Variants in PREX1 observed in about 807,000 individuals in gnomAD.
PREX1 encodes the protein phosphatidylinositol-3,4,5-trisphosphate dependent Rac exchange factor 1, also known as phosphatidylinositol 3,4,5-trisphosphate-dependent Rac exchanger 1 protein.
Under a neutral mutation model 198.3 loss-of-function variants are expected in PREX1, and 41 were observed. The ratio of observed to expected loss-of-function variants is 0.21; its 90% CI spans 0.16 to 0.27. PREX1 has a LOEUF of 0.27. Ranked by LOEUF, PREX1 falls within the 10% of genes least tolerant of loss-of-function variation. PREX1 has a pLI of 1.00. For missense variants in PREX1, 1,620 were observed against 2,200.7 expected, an observed-to-expected ratio of 0.74 and a Z score of 5.28; for synonymous variants, 843 against 887.2, an observed-to-expected ratio of 0.95 and a Z score of 0.89.
chr20:48,660,285 T>G (rs754588501), intron 15 of PREX1, among the ~76,000 whole-genome samples: 4 of 152,238 alleles, frequency 2.6e-5, no homozygotes, highest in Non-Finnish European at 4.4e-5. Context: ...TTGCCTCACC[T>G]GCTATAAAAA....
the PREX1 span, among the ~76,000 whole-genome samples, chr20:48,852,723 G>GT: frequency 2.6e-5 from 4 of 152,282 alleles, no homozygotes; most frequent in African/African-American, 9.6e-5. Flanking sequence ...ATGATGCATT[G>GT]TATCATAGTA....
chr20:48,779,032 T>C (rs917018810), intron 1 of PREX1, among the ~76,000 whole-genome samples: 3 of 152,104 alleles, frequency 2.0e-5, no homozygotes, highest in South Asian at 2.1e-4. Flanking sequence ...ATGAAAACTT[T>C]TGCCATGCAA....
intron 8 of PREX1, chr20:48,692,451 G>A (rs1414358553): frequency 4.5e-6 from 2 of 447,262 alleles, no homozygotes; most frequent in Admixed American, 6.9e-5. Flanking sequence ...GGGGGAAGAA[G>A]GCATTGCAAG....
intron 7 of PREX1, among the ~76,000 whole-genome samples, chr20:48,698,960 C>T (rs540406625): frequency 1.1e-4 from 17 of 152,248 alleles, no homozygotes; most frequent in Admixed American, 6.5e-4. Flanking sequence ...AGAGGTTAAA[C>T]GGGGATCCAA....
intron 31 of PREX1, among the ~76,000 whole-genome samples, chr20:48,637,374 TC>T (rs1417186154): frequency 2.0e-5 from 3 of 152,152 alleles, no homozygotes; most frequent in Non-Finnish European, 4.4e-5. Context: ...CGCTACCTCC[TC>T]CCCCTTCCTC....
At chr20:48,738,122 G>A (rs146731826) in intron 3 of PREX1, among the ~76,000 whole-genome samples, 1 of 152,276 alleles carries the variant, frequency 6.6e-6, no homozygotes, top group Non-Finnish European at 1.5e-5. Flanking sequence ...GAAGGGACTG[G>A]GCCAGAAAGC....
At chr20:48,651,172 C>T in intron 22 of PREX1, 117 bp from the exon 23 acceptor site, 1 of 1,366,110 alleles carries the variant, frequency 7.3e-7, no homozygotes, top group Non-Finnish European at 9.9e-7. Flanking sequence ...AGGTGTGTTG[C>T]TGGCCCATAT....
At chr20:48,882,228 C>T in the PREX1 span, among the ~76,000 whole-genome samples, 952 of 151,990 alleles carry the variant, frequency 6.3e-3, 9 homozygotes, top group African/African-American at 0.022. Flanking sequence ...TGTTGCTGGG[C>T]GCGGTGGCTC....
intron 31 of PREX1, 29 bp from the exon 32 acceptor site, chr20:48,636,712 G>GCCA (rs760970730): frequency 6.4e-7 from 1 of 1,558,020 alleles, no homozygotes; most frequent in Non-Finnish European, 8.7e-7. Context: ...AGGCCTTGCT[G>GCCA]GAGGGGCGCT....
At chr20:48,848,746 TA>T in the PREX1 span, among the ~76,000 whole-genome samples, 2 of 152,178 alleles carry the variant, frequency 1.3e-5, no homozygotes, top group South Asian at 2.1e-4. Flanking sequence ...ATAACATTTT[TA>T]GGGGGGGTGG....
chr20:48,876,434 G>A, the PREX1 span, among the ~76,000 whole-genome samples: 1 of 152,178 alleles, frequency 6.6e-6, no homozygotes, highest in Non-Finnish European at 1.5e-5. Flanking sequence ...CTGCTCCTTG[G>A]AACCAAAGAA....
chr20:48,639,824 G>GGGGTCC lies in PREX1; in HGVS notation c.3840_3845dup (p.Asp1281_Pro1282dup). On this transcript the variant is annotated inframe_insertion, in exon 30 of 40. Coordinates refer to ENST00000371941, the MANE Select transcript of PREX1 (RefSeq NM_020820.4). ...TCTTGATGGAGTTGGGGAGGTTCCA[G>GGGGTCC]GGGTCCTCCTGGATGCTAATCTGGA... 1.2e-6 allele frequency: 2 copies of GGGGTCC among 1,614,144 alleles called. No individual in the cohort carries two copies. The highest frequency in any genetic ancestry group is 4.5e-5 in the East Asian group (2 of 44,884).
At chr20:48,634,069 T>TGGATGGATGGATGGAC (rs2089338543) in intron 33 of PREX1, among the ~76,000 whole-genome samples, 1 of 93,510 alleles carries the variant, frequency 1.1e-5, no homozygotes, top group Non-Finnish European at 2.3e-5. Context: ...ATGAGTGGGA[T>TGGATGGATGGATGGAC]GGATGGATGG....
intron 30 of PREX1, among the ~76,000 whole-genome samples, chr20:48,639,007 G>A (rs943104942): frequency 6.6e-6 from 1 of 152,246 alleles, no homozygotes; most frequent in African/African-American, 2.4e-5. Context: ...CGAGGGAACA[G>A]CCCAGAGTCC....
chr20:48,806,269 A>G (rs979033528), intron 1 of PREX1, among the ~76,000 whole-genome samples: 2 of 152,174 alleles, frequency 1.3e-5, no homozygotes, highest in Non-Finnish European at 2.9e-5. Flanking sequence ...ATCTTTGTCC[A>G]TTCATCAAAT....
At chr20:48,868,025 G>A in the PREX1 span, among the ~76,000 whole-genome samples, 1 of 152,024 alleles carries the variant, frequency 6.6e-6, no homozygotes, top group African/African-American at 2.4e-5. Context: ...TGTTTGAAGT[G>A]TACAGTTTAG....
At chr20:48,753,428 G>C (rs902329980) in intron 1 of PREX1, among the ~76,000 whole-genome samples, 2 of 152,110 alleles carry the variant, frequency 1.3e-5, no homozygotes, top group Non-Finnish European at 2.9e-5. Flanking sequence ...CCAATGTCTA[G>C]AGACATTTTG....
intron 1 of PREX1, among the ~76,000 whole-genome samples, chr20:48,780,377 G>A (rs2090283184): frequency 6.6e-6 from 1 of 152,122 alleles, no homozygotes; most frequent in Non-Finnish European, 1.5e-5. Context: ...CAGCACTTTG[G>A]GAGGTCAAAG....
intron 3 of PREX1, among the ~76,000 whole-genome samples, chr20:48,743,709 C>T (rs545454051): frequency 6.0e-4 from 92 of 152,338 alleles, no homozygotes; most frequent in African/African-American, 2.0e-3. Flanking sequence ...GGATTTATCC[C>T]GTTTATGGGT....
Sources: allele counts gnomAD v4.1 joint callset (sites outside exome capture counted in the v4.1 genomes callset), GRCh38; gene constraint gnomAD v4.1.1; transcripts MANE v1.5; gene names NCBI Gene and HGNC (gene_info 2026-07-23, HGNC 2026-07-21).